ACSM3: variants seen among roughly 807,000 people sequenced by gnomAD.
ACSM3 encodes acyl-CoA synthetase medium chain family member 3, also known as acyl-coenzyme A synthetase ACSM3, mitochondrial.
ACSM3 carries 61 observed loss-of-function variants against 74.1 expected under a neutral mutation model. The ratio of observed to expected loss-of-function variants is 0.82; its 90% confidence interval spans 0.67 to 1.02. The LOEUF (loss-of-function observed/expected upper bound fraction) is 1.02. Among genes scored for constraint, ACSM3 ranks in the 50% least tolerant of loss-of-function variants. The pLI, the probability that ACSM3 is intolerant of heterozygous loss-of-function variation, is 0.00. For synonymous variants in ACSM3, 213 were observed against 241.5 expected (o/e 0.88, Z 1.09); for missense variants, 660 against 697.0 (o/e 0.95, Z 0.60).
intron 1 of ACSM3, 26 bp from the exon 2 acceptor site, chr16:20,769,958 A>G (rs2080170812): frequency 8.2e-6 from 12 of 1,455,256 alleles, no homozygotes; most frequent in Non-Finnish European, 1.2e-5. Context: ...AGAAACAAAT[A>G]TATGTCCTTT....
intron 3 of ACSM3, among the ~76,000 whole-genome samples, chr16:20,757,544 G>A (rs1310106051): frequency 5.3e-5 from 8 of 150,752 alleles, no homozygotes; most frequent in Non-Finnish European, 1.0e-4. Context: ...GGCTGAGACA[G>A]TGGGGTTTTC....
At chr16:20,744,431 A>T (rs1396403899) in intron 1 of ACSM3, among the ~76,000 whole-genome samples, 2 of 152,138 alleles carry the variant, frequency 1.3e-5, no homozygotes, top group East Asian at 3.8e-4. Context: ...GTCGCACAGG[A>T]TGGAGTGCAC....
chr16:20,777,273 C>T (rs1021676222), intron 3 of ACSM3, 100 bp from the exon 4 acceptor site: 5 of 1,106,834 alleles, frequency 4.5e-6, no homozygotes, highest in Non-Finnish European at 6.4e-6. Context: ...CTGACTAACT[C>T]ACTCTGAGAA....
chr16:20,767,539 A>C (rs867123355), intron 1 of ACSM3, among the ~76,000 whole-genome samples: 2 of 15,720 alleles, frequency 1.3e-4, no homozygotes, highest in Admixed American at 4.0e-4. Flanking sequence ...AAAAAAAAAA[A>C]AAAAAACAGG....
At chr16:20,744,052 A>G (rs9930428) in intron 1 of ACSM3, among the ~76,000 whole-genome samples, 73,337 of 152,116 alleles carry the variant, frequency 0.48, 18,708 homozygotes, top group Non-Finnish European at 0.58. Flanking sequence ...GCCCACAGTC[A>G]ACATGTGGCC....
chr16:20,787,781 C>T (rs1338375175), intron 9 of ACSM3, among the ~76,000 whole-genome samples: 1 of 152,238 alleles, frequency 6.6e-6, no homozygotes, highest in Non-Finnish European at 1.5e-5. Flanking sequence ...TGTGGGTACA[C>T]TGTTAAAGCT....
At chr16:20,688,948 TA>T in intron 1 of ACSM3, among the ~76,000 whole-genome samples, 1 of 149,120 alleles carries the variant, frequency 6.7e-6, no homozygotes, top group African/African-American at 2.4e-5. Context: ...AAAATAATTA[TA>T]AATATATGTT....
At chr16:20,761,702 G>A (rs192233681), upstream of ACSM3, among the ~76,000 whole-genome samples, 1 of 152,332 alleles carries the variant, frequency 6.6e-6, no homozygotes, top group Non-Finnish European at 1.5e-5. Flanking sequence ...AGGTGCCAGG[G>A]AAAGGCAGTC....
At chr16:20,743,450 A>G (rs1596495620) in intron 1 of ACSM3, among the ~76,000 whole-genome samples, 1 of 152,296 alleles carries the variant, frequency 6.6e-6, no homozygotes, top group African/African-American at 2.4e-5. Flanking sequence ...CTTTTTAAAA[A>G]TCATTGAAGA....
At chr16:20,676,551 A>G (rs778720073) in intron 1 of ACSM3, among the ~76,000 whole-genome samples, 6 of 152,194 alleles carry the variant, frequency 3.9e-5, no homozygotes, top group Non-Finnish European at 8.8e-5. Flanking sequence ...GTAGGTGTGA[A>G]TGCAACTCAG....
intron 1 of ACSM3, among the ~76,000 whole-genome samples, chr16:20,707,871 A>G (rs1444061066): frequency 6.6e-6 from 1 of 152,254 alleles, no homozygotes; most frequent in Non-Finnish European, 1.5e-5. Context: ...ACAAAGCCCT[A>G]GCAACCTACC....
intron 3 of ACSM3, among the ~76,000 whole-genome samples, chr16:20,776,652 C>T (rs1444664957): frequency 6.6e-6 from 1 of 152,158 alleles, no homozygotes; most frequent in Non-Finnish European, 1.5e-5. Context: ...CCTAATTATC[C>T]TATAAAAGAA....
At chr16:20,676,172 A>G (rs900400743) in intron 1 of ACSM3, 1 of 152,370 alleles carries the variant, frequency 6.6e-6, no homozygotes, top group Non-Finnish European at 1.5e-5. Flanking sequence ...GAAAGGCTGG[A>G]AAAGTCAGGG....
chr16:20,789,027 A>G (rs2080535225), intron 9 of ACSM3, among the ~76,000 whole-genome samples: 1 of 152,208 alleles, frequency 6.6e-6, no homozygotes, highest in South Asian at 2.1e-4. Flanking sequence ...GTTTGAAGGT[A>G]TCTGGAGAAT....
rs1282034044 is a variant in ACSM3, at chr16:20,767,815, G to GT, written c.-51-2164dup. ...ATGGGTCAAATCCAGCCCTCTGCCTGTTTTTGTATAGCCTTTGAACCAAGA... is the reference window on the plus strand; with the variant it reads ...ATGGGTCAAATCCAGCCCTCTGCCTGTTTTTTGTATAGCCTTTGAACCAAGA... On this transcript the variant is annotated intron_variant, in intron 1 of 13. Transcript: ENST00000289416. Among the ~76,000 whole-genome samples, 5 of 152,232 alleles carry GT rather than the reference G, an allele frequency of 3.3e-5. No homozygotes were observed. In the East Asian group the frequency reaches 9.7e-4, roughly 29 times the overall value.
intron 9 of ACSM3, among the ~76,000 whole-genome samples, chr16:20,788,257 C>T (rs188121518): frequency 1.7e-4 from 26 of 152,288 alleles, no homozygotes; most frequent in Non-Finnish European, 2.9e-4. Context: ...CTCATGTCTG[C>T]ATTACAGGGA....
chr16:20,742,813 A>ATATATATATATATATATATTT (rs61582869), intron 1 of ACSM3, among the ~76,000 whole-genome samples: 5 of 66,810 alleles, frequency 7.5e-5, no homozygotes, highest in African/African-American at 2.1e-4. Flanking sequence ...ATATATATAT[A>ATATATATATATATATATATTT]TTTTTTTTTT....
At chr16:20,779,914 G>T in intron 4 of ACSM3, 1 of 180,592 alleles carries the variant, frequency 5.5e-6, no homozygotes, top group Non-Finnish European at 1.2e-5. Flanking sequence ...ACAGGTATGT[G>T]CCACTGTGCC....
chr16:20,795,283 A>C (rs1002481349), intron 12 of ACSM3, among the ~76,000 whole-genome samples: 1 of 152,132 alleles, frequency 6.6e-6, no homozygotes, highest in Non-Finnish European at 1.5e-5. Flanking sequence ...GGCCTCCCAA[A>C]TGTTGGCAGT....
Sources: gnomAD v4.1 joint callset for allele counts (sites outside exome capture counted in the v4.1 genomes callset) on GRCh38, gnomAD v4.1.1 for gene constraint, MANE v1.5 for transcripts, NCBI Gene and HGNC (gene_info 2026-07-23, HGNC 2026-07-21) for gene names.